Variants in FGGY observed in about 807,000 individuals in gnomAD.
FGGY encodes the protein FGGY carbohydrate kinase domain containing, also known as FGGY carbohydrate kinase domain-containing protein.
A neutral mutation model predicts 71.3 loss-of-function variants in FGGY; 72 were observed. That is an observed-to-expected ratio of 1.01 (90% CI 0.84 to 1.23). The LOEUF (loss-of-function observed/expected upper bound fraction) is 1.23, where lower values mean the gene tolerates loss of function less well. Ranked by LOEUF, FGGY falls within the 50% of genes most tolerant of loss-of-function variation. The pLI, the probability that FGGY is intolerant of heterozygous loss-of-function variation, is 0.00. For synonymous variants in FGGY, 251 were observed against 250.3 expected (o/e 1.00, Z -0.02); for missense variants, 668 against 682.3 (o/e 0.98, Z 0.23).
intron 7 of FGGY, among the ~76,000 whole-genome samples, chr1:59,533,347 C>G (rs529147461): frequency 1.3e-5 from 2 of 152,328 alleles, no homozygotes; most frequent in South Asian, 4.1e-4. Context: ...CTCGGAGGGT[C>G]CTACGCCCAC....
At chr1:59,367,725 G>T (rs1306969656) in intron 4 of FGGY, among the ~76,000 whole-genome samples, 1 of 152,160 alleles carries the variant, frequency 6.6e-6, no homozygotes, top group East Asian at 1.9e-4. Flanking sequence ...AGCTTCCCTG[G>T]AGTGGGAGGG....
chr1:59,333,870 A>C (rs1293521012), intron 2 of FGGY, among the ~76,000 whole-genome samples: 4 of 152,308 alleles, frequency 2.6e-5, no homozygotes, highest in South Asian at 2.1e-4. Context: ...CTGGGTATTC[A>C]CTTGGTACTG....
rs1390597913 is a variant in FGGY, at chr1:59,510,046, T to C, written c.671-2265T>C. Among the ~76,000 whole-genome samples the C allele has an allele frequency of 7.7e-5, 8 of 103,564 alleles. No individual in the cohort carries two copies. In the South Asian group the frequency reaches 1.8e-3, roughly 24 times the overall value. The allele number at this position is 103,564 out of a possible 152,430, so 67.9% of individuals were successfully genotyped here. ...CTTTTTCTTTTTCTTTTTTCTTTTT[T>C]TTTTTTTTTAACATACATAATGCTT... On this transcript the variant is annotated intron_variant, in intron 6 of 15. Coordinates refer to ENST00000303721, the MANE Select transcript of FGGY (RefSeq NM_018291.5).
At chr1:59,561,139 T>C (rs1035367590) in intron 8 of FGGY, among the ~76,000 whole-genome samples, 1 of 152,212 alleles carries the variant, frequency 6.6e-6, no homozygotes, top group Non-Finnish European at 1.5e-5. Context: ...TTCTCTGTCA[T>C]GGTCTCTTTA....
Position 59,703,122 on chromosome 1 carries a change from A to T in FGGY, c.1512+28989A>T, listed in dbSNP as rs762709838. Among the ~76,000 whole-genome samples, 48 of 152,204 alleles carry T rather than the reference A, an allele frequency of 3.2e-4. 1 individual carries two copies. Among genetic ancestry groups the T allele is most frequent in the Admixed American group, 4.6e-4 (7 of 15,276 alleles). Reference sequence around the variant, plus strand: ...ATGAGATACATGTAAAGCAGCCAGAACAGTACCTGGCACATGAAAAATAGT... The same window carrying T: ...ATGAGATACATGTAAAGCAGCCAGATCAGTACCTGGCACATGAAAAATAGT... On this transcript the variant is annotated intron_variant, in intron 14 of 15. Transcript: ENST00000303721.
intron 5 of FGGY, among the ~76,000 whole-genome samples, chr1:59,434,322 C>G (rs947079106): frequency 6.6e-6 from 1 of 152,170 alleles, no homozygotes; most frequent in Non-Finnish European, 1.5e-5. Context: ...GTTCATTGTA[C>G]CAGTGGGGGC....
At chr1:59,320,973 C>T (rs910855668) in intron 1 of FGGY, among the ~76,000 whole-genome samples, 2 of 152,196 alleles carry the variant, frequency 1.3e-5, no homozygotes, top group African/African-American at 4.8e-5. Context: ...AGTTACTTAT[C>T]TCTTGGAATC....
chr1:59,654,149 T>C (rs1344144355), intron 11 of FGGY, among the ~76,000 whole-genome samples: 1 of 152,232 alleles, frequency 6.6e-6, no homozygotes, highest in Non-Finnish European at 1.5e-5. Context: ...CAAATGTGGA[T>C]AGGATTTAGG....
intron 9 of FGGY, among the ~76,000 whole-genome samples, chr1:59,624,298 T>C (rs1357236239): frequency 1.3e-5 from 2 of 152,162 alleles, no homozygotes; most frequent in East Asian, 3.9e-4. Flanking sequence ...AGACCTAGAT[T>C]TGTCGTTACT....
chr1:59,530,080 G>A (rs982603452), intron 7 of FGGY, among the ~76,000 whole-genome samples: 1 of 151,650 alleles, frequency 6.6e-6, no homozygotes, highest in Non-Finnish European at 1.5e-5. Context: ...TCTCAAACTG[G>A]GCATTCATTT....
chr1:59,708,263 T>C (rs1367716351), intron 14 of FGGY, among the ~76,000 whole-genome samples: 4 of 152,188 alleles, frequency 2.6e-5, no homozygotes, highest in Admixed American at 1.3e-4. Flanking sequence ...CATTTCATTT[T>C]TTTTTTCCTC....
rs1161182007 is a variant in FGGY at position 59,607,832 on chromosome 1, C to T, written c.933C>T (p.Gly311=). 1.1e-5 allele frequency: 17 copies of T among 1,613,710 alleles called. No individual in the cohort carries two copies. The highest frequency in any genetic ancestry group is 4.5e-5 in the East Asian group (2 of 44,870). Residue 311 remains glycine, a synonymous_variant, in exon 9 of 16, where the codon GGC becomes GGT. Coordinates refer to ENST00000303721, the MANE Select transcript of FGGY (RefSeq NM_018291.5). ...GCAAAGACCCGATTTTTGTACCAGG[C>T]GTCTGGGGGCCTTATTTCTCAGCCA... ...GISKDPIFVP[G]VWGPYFSAMV...
chr1:59,555,918 T>C (rs1191595895), intron 8 of FGGY, among the ~76,000 whole-genome samples: 1 of 152,130 alleles, frequency 6.6e-6, no homozygotes, highest in Non-Finnish European at 1.5e-5. Context: ...GGAGAATTGC[T>C]TGAACCCAGA....
At chr1:59,307,669 C>G (rs960417772) in intron 1 of FGGY, among the ~76,000 whole-genome samples, 4 of 152,050 alleles carry the variant, frequency 2.6e-5, no homozygotes, top group African/African-American at 9.7e-5. Context: ...AGGGTTGGCT[C>G]AAAATATAAG....
intron 15 of FGGY, among the ~76,000 whole-genome samples, chr1:59,762,234 C>A (rs1000936744): frequency 2.6e-5 from 4 of 152,038 alleles, no homozygotes; most frequent in African/African-American, 9.7e-5. Flanking sequence ...GGATTACAGG[C>A]GTCCACCACC....
intron 8 of FGGY, 57 bp from the exon 9 acceptor site, chr1:59,607,739 AGGAGAAC>A: frequency 7.9e-7 from 1 of 1,267,758 alleles, no homozygotes; most frequent in Non-Finnish European, 1.1e-6. Context: ...AAATATTAGG[AGGAGAAC>A]CCTTCCCCTA....
chr1:59,656,198 G>T (rs111978303), intron 11 of FGGY, among the ~76,000 whole-genome samples: 1 of 151,942 alleles, frequency 6.6e-6, no homozygotes, highest in Non-Finnish European at 1.5e-5. Context: ...TGTCTGTCTC[G>T]CCCAAACATT....
intron 4 of FGGY, among the ~76,000 whole-genome samples, chr1:59,358,970 A>G (rs1440046293): frequency 1.3e-5 from 2 of 152,206 alleles, no homozygotes; most frequent in African/African-American, 4.8e-5. Context: ...ACCTCTGGCA[A>G]CGTTGGAATG....
intron 8 of FGGY, among the ~76,000 whole-genome samples, chr1:59,566,052 T>C (rs1321756895): frequency 1.3e-5 from 2 of 152,176 alleles, no homozygotes; most frequent in Non-Finnish European, 2.9e-5. Context: ...GAGAGCATGA[T>C]GAAAACCACA....
Sources: allele counts gnomAD v4.1 joint callset (sites outside exome capture counted in the v4.1 genomes callset), GRCh38; gene constraint gnomAD v4.1.1; transcripts MANE v1.5; gene names NCBI Gene and HGNC (gene_info 2026-07-23, HGNC 2026-07-21).